The following TRIM37 variants were observed in gnomAD, a reference collection of about 807,000 sequenced individuals.
TRIM37 encodes tripartite motif containing 37.
TRIM37 carries 80 observed loss-of-function variants against 129.8 expected under a neutral mutation model. The observed-to-expected ratio is 0.62, with a 90% CI of 0.51 to 0.74. TRIM37 has a LOEUF of 0.74. TRIM37 is among the 30% of genes least tolerant of loss of function. The pLI, the probability that TRIM37 is intolerant of heterozygous loss-of-function variation, is 0.00. For synonymous variants in TRIM37, 389 were observed against 387.1 expected (o/e 1.00, Z -0.06); for missense variants, 1,054 against 1,176.5 (o/e 0.90, Z 1.52).
At chr17:59,039,263 A>G (rs2038887837) in intron 17 of TRIM37, among the ~76,000 whole-genome samples, 1 of 151,924 alleles carries the variant, frequency 6.6e-6, no homozygotes, top group South Asian at 2.1e-4. Context: ...TTCAGCATCA[A>G]TTCCTATGTT....
At chr17:59,015,916 T>C (rs2035874840) in intron 20 of TRIM37, 117 bp from the exon 21 acceptor site, 8 of 923,558 alleles carry the variant, frequency 8.7e-6, no homozygotes, top group African/African-American at 1.6e-5. Context: ...GAGGCGGAGG[T>C]TGCAGTGAGC....
chr17:59,083,691 C>A (rs1340360197), intron 5 of TRIM37, among the ~76,000 whole-genome samples: 1 of 152,072 alleles, frequency 6.6e-6, no homozygotes, highest in Admixed American at 6.6e-5. Flanking sequence ...AAATGTTGGC[C>A]AGTACATCTG....
At chr17:58,995,829 G>A (rs950250432), downstream of TRIM37, among the ~76,000 whole-genome samples, 4 of 151,888 alleles carry the variant, frequency 2.6e-5, no homozygotes, top group Admixed American at 2.6e-4. Flanking sequence ...AAGAACTCAA[G>A]AACTCCATCT....
Position 59,011,185 on chromosome 17 carries a change from C to A in TRIM37, c.2695+1143G>T, listed in dbSNP as rs377247856. On this transcript the variant is annotated intron_variant, in intron 22 of 23. Coordinates refer to ENST00000262294, the MANE Select transcript of TRIM37 (RefSeq NM_015294.6). ...CTCCGTCTCGGGGAAAAAAAAAAAA[C>A]AACAGAAAAAGAAAGTATTCCCCAC... Among the ~76,000 whole-genome samples the A allele has an allele frequency of 2.4e-3, 368 of 150,610 alleles. 4 individuals carry two copies. Among genetic ancestry groups the A allele is most frequent in the African/African-American group, 8.5e-3 (348 of 41,162 alleles).
In TRIM37 at chr17:58,998,234, C is replaced by T; in HGVS notation, c.*1143G>A. ...AAGTTGATTTTATTAACAAAAAGTG[C>T]AAACTATTTTGAACAAAAGTAAACT... On this transcript the variant is annotated 3_prime_UTR_variant, in exon 24 of 24. Transcript: ENST00000262294. 1 of 985,372 alleles carries T rather than the reference C, an allele frequency of 1.0e-6. No homozygotes were observed. Among genetic ancestry groups the T allele is most frequent in the Non-Finnish European group, 1.2e-6 (1 of 829,912 alleles). 61.0% of individuals were successfully genotyped at this position (985,372 alleles called of 1,614,324 possible). A position where few individuals can be genotyped will look rare whatever the true frequency, so the allele number is the denominator to read the frequency against.
chr17:59,077,809 CAAAA>C (rs36007655), intron 7 of TRIM37, among the ~76,000 whole-genome samples: 1 of 71,362 alleles, frequency 1.4e-5, no homozygotes, highest in Admixed American at 1.9e-4. Flanking sequence ...GACTCCATCT[CAAAA>C]AAAAAAAAAA....
At chr17:59,049,717 T>G (rs922769080) in intron 14 of TRIM37, among the ~76,000 whole-genome samples, 6 of 152,134 alleles carry the variant, frequency 3.9e-5, no homozygotes, top group African/African-American at 1.4e-4. Flanking sequence ...AAGCTGGTTT[T>G]GAACCCCTGG....
intron 8 of TRIM37, 70 bp downstream of exon 8, chr17:59,075,577 A>C (rs1420008981): frequency 2.0e-5 from 21 of 1,038,780 alleles, no homozygotes; most frequent in Admixed American, 1.3e-4. Context: ...AAAAAAAAAA[A>C]AAAAAAACAA....
chr17:59,091,415 T>TTATATATAA (rs1218149812), intron 2 of TRIM37, 75 bp from the exon 3 acceptor site: 1 of 352,658 alleles, frequency 2.8e-6, no homozygotes, highest in Non-Finnish European at 4.5e-6. Flanking sequence ...TATTTTATAT[T>TTATATATAA]TATATATAAT....
intron 14 of TRIM37, among the ~76,000 whole-genome samples, chr17:59,049,699 T>C (rs2146146441): frequency 1.3e-5 from 2 of 152,274 alleles, no homozygotes; most frequent in South Asian, 4.1e-4. Context: ...TATCTTGCTA[T>C]GTTGCTCAAG....
At chr17:59,007,280 A>G (rs2034661342) in intron 22 of TRIM37, among the ~76,000 whole-genome samples, 1 of 143,164 alleles carries the variant, frequency 7.0e-6, no homozygotes, top group African/African-American at 2.6e-5. Context: ...GAATTTTCTA[A>G]TCCTGAAAAC....
chr17:59,032,531 CAAAAAA>C (rs35442859), intron 17 of TRIM37, among the ~76,000 whole-genome samples: 2 of 84,788 alleles, frequency 2.4e-5, no homozygotes, highest in African/African-American at 4.7e-5. Flanking sequence ...GACTCCGTCT[CAAAAAA>C]AAAAAAAAAA....
chr17:58,990,903 G>A (rs1227075856), intron 24 of TRIM37, among the ~76,000 whole-genome samples: 1 of 149,794 alleles, frequency 6.7e-6, no homozygotes, highest in Non-Finnish European at 1.5e-5. Flanking sequence ...GGCCAGGCAC[G>A]GTGGCTCACG....
At chr17:58,983,075 C>G (rs2031462507) in intron 24 of TRIM37, 5 of 642,668 alleles carry the variant, frequency 7.8e-6, no homozygotes, top group Non-Finnish European at 1.3e-5. Flanking sequence ...GAAAAAGTTA[C>G]TACACATGCT....
intron 17 of TRIM37, among the ~76,000 whole-genome samples, chr17:59,036,145 C>T (rs538938472): frequency 5.9e-5 from 9 of 152,204 alleles, no homozygotes; most frequent in East Asian, 1.9e-4. Context: ...CAATAGCTCA[C>T]GCCTATAATC....
rs2040491388 is a variant in TRIM37, at chr17:59,052,957, A to AAAATCAAGTC, written c.1200-1630_1200-1629insGACTTGATTT. Among the ~76,000 whole-genome samples the AAAATCAAGTC allele has an allele frequency of 2.1e-5, 3 of 142,436 alleles. No homozygotes were observed. The South Asian group carries it at 6.6e-4, about 31-fold the overall frequency. 93.4% of individuals were successfully genotyped at this position (142,436 alleles called of 152,430 possible). On this transcript the variant is annotated intron_variant, in intron 13 of 23. Transcript: ENST00000262294. ...GCAACAGAGCGAAACTCTGTCTCAA[A>AAAATCAAGTC]AAATCAAATCAAATCAAATCAAATC...
At position 59,028,404 on chromosome 17, in the gene TRIM37, A is replaced by G; in HGVS notation, c.2257+11T>C. 4 of 1,608,900 alleles carry G rather than the reference A, an allele frequency of 2.5e-6. No homozygotes were observed. Among genetic ancestry groups the G allele is most frequent in the Non-Finnish European group, 3.4e-6 (4 of 1,179,534 alleles). The stretch of plus-strand genomic sequence containing the variant: ...CGTGTGGAGAAATGACACTGGGAAC[A>G]TATTACTTACAGTTTCGTATGTAAC... On this transcript the variant is annotated intron_variant, in intron 19 of 23. Transcript: ENST00000262294.
At chr17:58,980,370 C>T, downstream of TRIM37, 2 of 1,614,172 alleles carry the variant, frequency 1.2e-6, no homozygotes, top group East Asian at 2.2e-5. This position sits in a 1 kb window ranked among gnomAD's most constrained non-coding sequence, Gnocchi z 4.7. Flanking sequence ...CAGTGCTCAG[C>T]ACCAGCCGAC....
rs769313363 is a variant in TRIM37, at chr17:58,999,410, G to A, written c.2862C>T (p.Leu954=). 6 of 1,613,756 alleles carry A rather than the reference G, an allele frequency of 3.7e-6. No individual in the cohort carries two copies. In the East Asian group the frequency reaches 1.3e-4, roughly 36 times the overall value. ...CACTATTTTCATCTGTATTGAAGCT[G>A]AGATCTTCAGGGCCTATTTGTTCAC... is the stretch of plus-strand genomic sequence containing the variant. ...PDGEQIGPED[L]SFNTDENSGR Residue 954 remains leucine (L), a synonymous_variant, in exon 24 of 24, where the codon CTC becomes CTT. Coordinates refer to ENST00000262294, the MANE Select transcript of TRIM37 (RefSeq NM_015294.6).
Sources: gnomAD v4.1 joint callset for allele counts (sites outside exome capture counted in the v4.1 genomes callset) on GRCh38, gnomAD v4.1.1 for gene constraint, Gnocchi (gnomAD v3.1) non-coding constraint, MANE v1.5 for transcripts, NCBI Gene and HGNC (gene_info 2026-07-23, HGNC 2026-07-21) for gene names.